BBS9: variants seen among roughly 807,000 people sequenced by gnomAD.
BBS9 encodes protein PTHB1.
In BBS9, 89 loss-of-function variants were observed where a neutral mutation model predicts 117.7. The ratio of observed to expected loss-of-function variants is 0.76; its 90% CI spans 0.64 to 0.90. BBS9 has a LOEUF of 0.90. Ranked by LOEUF, BBS9 falls within the 40% of genes least tolerant of loss-of-function variation. The pLI is 0.00. For synonymous variants in BBS9, 379 were observed against 370.9 expected, an observed-to-expected ratio of 1.02 and a Z score of -0.25; for missense variants, 982 against 1,042.2, an observed-to-expected ratio of 0.94 and a Z score of 0.80.
intron 21 of BBS9, among the ~76,000 whole-genome samples, chr7:33,614,510 G>A (rs1033658411): frequency 6.6e-6 from 1 of 152,070 alleles, no homozygotes; most frequent in Non-Finnish European, 1.5e-5. Flanking sequence ...CTTCTTATCT[G>A]TCAGAGAAGT....
In BBS9 at chr7:33,357,803, T is replaced by C. The variant is rs545765119; in HGVS notation, c.1553-52T>C. 1.6e-4 allele frequency: 258 copies of C among 1,573,464 alleles called. No homozygotes were observed. In the African/African-American group the frequency reaches 3.0e-3, roughly 18 times the overall value. ...AACTATTAGTAGTACAATTTTTTTT[T>C]GCCAAATTATTTGTCAAGTCTATGA... On this transcript the variant is annotated intron_variant, in intron 15 of 22. Transcript: ENST00000242067.
At chr7:33,171,140 C>T (rs943855336) in intron 4 of BBS9, among the ~76,000 whole-genome samples, 3 of 152,150 alleles carry the variant, frequency 2.0e-5, no homozygotes, top group Admixed American at 6.5e-5. Flanking sequence ...GAGCCCGCAT[C>T]GCCAAGTCAA....
chr7:33,239,678 T>G (rs879594753), intron 5 of BBS9, among the ~76,000 whole-genome samples: 1 of 152,186 alleles, frequency 6.6e-6, no homozygotes, highest in Admixed American at 6.6e-5. Context: ...TTTCCTATAC[T>G]AACATTCTAA....
At chr7:33,550,228 G>T (rs1249319358) in intron 21 of BBS9, among the ~76,000 whole-genome samples, 1 of 152,014 alleles carries the variant, frequency 6.6e-6, no homozygotes, top group Non-Finnish European at 1.5e-5. Context: ...CCAACAATAA[G>T]ATGAATGTTT....
At chr7:33,207,413 T>C (rs1787133094) in intron 5 of BBS9, among the ~76,000 whole-genome samples, 1 of 152,216 alleles carries the variant, frequency 6.6e-6, no homozygotes, top group African/African-American at 2.4e-5. Context: ...ATTCATGAAT[T>C]TCAATTTTTT....
At chr7:33,221,730 T>C (rs1331844070) in intron 5 of BBS9, among the ~76,000 whole-genome samples, 1 of 152,212 alleles carries the variant, frequency 6.6e-6, no homozygotes, top group East Asian at 1.9e-4. Context: ...TAAAAAATTT[T>C]CACAATCCTA....
intron 19 of BBS9, among the ~76,000 whole-genome samples, chr7:33,400,284 T>G (rs930578540): frequency 6.6e-6 from 1 of 152,184 alleles, no homozygotes; most frequent in Non-Finnish European, 1.5e-5. Context: ...GTTTCTAATA[T>G]TACAATAAAA....
intron 17 of BBS9, among the ~76,000 whole-genome samples, chr7:33,375,579 CT>C (rs1043251687): frequency 8.1e-6 from 1 of 124,212 alleles, no homozygotes; most frequent in Non-Finnish European, 1.8e-5. Context: ...TTGCAAATTT[CT>C]TTCTTTCTTT....
intron 9 of BBS9, among the ~76,000 whole-genome samples, chr7:33,322,444 A>G (rs1811932718): frequency 8.6e-6 from 1 of 115,856 alleles, no homozygotes; most frequent in Admixed American, 1.1e-4. Flanking sequence ...TAGGTTTTGG[A>G]TTTCCTCATG....
At chr7:33,274,051 AAAT>A in intron 9 of BBS9, 95 bp downstream of exon 9, 3 of 1,368,172 alleles carry the variant, frequency 2.2e-6, no homozygotes, top group Non-Finnish European at 3.1e-6. Flanking sequence ...TTTTATTAAA[AAAT>A]TACAGGTGAC....
rs574477616 is a variant in BBS9, at chr7:33,505,453, A to G, written c.2116-10A>G. The stretch of plus-strand genomic sequence containing the variant: ...AAATTATCCCTAACCGAAGTTTGTA[A>G]TATCTGCAGGTAATTGCTCTAGCAG... On this transcript the variant is annotated splice_polypyrimidine_tract_variant and intron_variant, in intron 19 of 22. Transcript: ENST00000242067. The G allele has an allele frequency of 4.3e-6, 7 of 1,613,752 alleles. No individual in the cohort carries two copies. The highest frequency in any genetic ancestry group is 1.7e-5 in the Admixed American group (1 of 60,006).
intron 19 of BBS9, among the ~76,000 whole-genome samples, chr7:33,408,123 A>C (rs1830399233): frequency 6.6e-6 from 1 of 152,134 alleles, no homozygotes; most frequent in Non-Finnish European, 1.5e-5. Context: ...TTGTTTACCT[A>C]AGGGAGCCTG....
At chr7:33,381,736 G>C (rs757905368) in intron 17 of BBS9, among the ~76,000 whole-genome samples, 4 of 152,174 alleles carry the variant, frequency 2.6e-5, no homozygotes, top group Non-Finnish European at 4.4e-5. Context: ...TAAGACTGGG[G>C]TGAAGGGAGG....
intron 19 of BBS9, among the ~76,000 whole-genome samples, chr7:33,486,335 G>A (rs1053298581): frequency 1.3e-5 from 2 of 152,146 alleles, no homozygotes; most frequent in Admixed American, 6.5e-5. Flanking sequence ...AAATCTCCTC[G>A]GAGAGGAAGT....
intron 21 of BBS9, among the ~76,000 whole-genome samples, chr7:33,623,649 A>G (rs1051161430): frequency 6.6e-6 from 1 of 152,194 alleles, no homozygotes; most frequent in Non-Finnish European, 1.5e-5. Context: ...GATTTGACCA[A>G]TTTCAATATA....
At chr7:33,202,268 A>G (rs748638237) in intron 5 of BBS9, among the ~76,000 whole-genome samples, 2 of 152,192 alleles carry the variant, frequency 1.3e-5, no homozygotes, top group Non-Finnish European at 2.9e-5. Flanking sequence ...TCATTCTAGT[A>G]TTATTTTTGG....
chr7:33,296,980 G>C (rs1465809936), intron 9 of BBS9, among the ~76,000 whole-genome samples: 1 of 152,124 alleles, frequency 6.6e-6, no homozygotes, highest in African/African-American at 2.4e-5. Flanking sequence ...ATCTTCAAAA[G>C]TTGCAGAGTA....
intron 19 of BBS9, among the ~76,000 whole-genome samples, chr7:33,487,546 A>G (rs1381051740): frequency 6.6e-6 from 1 of 152,224 alleles, no homozygotes; most frequent in Non-Finnish European, 1.5e-5. Context: ...AAGTAAAATG[A>G]TTTGCCTGAG....
chr7:33,263,701 A>C (rs1798341512), intron 6 of BBS9, among the ~76,000 whole-genome samples: 1 of 152,118 alleles, frequency 6.6e-6, no homozygotes, highest in Non-Finnish European at 1.5e-5. Context: ...CCCATCAATC[A>C]ATAATTGTAT....
Sources: allele counts gnomAD v4.1 joint callset (sites outside exome capture counted in the v4.1 genomes callset), GRCh38; gene constraint gnomAD v4.1.1; transcripts MANE v1.5; gene names NCBI Gene and HGNC (gene_info 2026-07-23, HGNC 2026-07-21).